The following CELF2 variants were observed in gnomAD, a reference collection of about 807,000 sequenced individuals.
CELF2 encodes the protein CUGBP Elav-like family member 2, also known as CUG triplet repeat RNA-binding protein 2.
Under a neutral mutation model 62.6 loss-of-function variants are expected in CELF2, and 8 were observed. The observed-to-expected ratio is 0.13, with a 90% CI of 0.07 to 0.23. CELF2 has a LOEUF of 0.23. CELF2 is among the 10% of genes least tolerant of loss of function. The pLI is 1.00. For missense variants in CELF2, 333 were observed against 671.0 expected (o/e 0.50, Z 5.56); for synonymous variants, 258 against 250.0 (o/e 1.03, Z -0.30).
chr10:10,784,220 C>T, the CELF2 span, among the ~76,000 whole-genome samples: 15 of 152,188 alleles, frequency 9.9e-5, no homozygotes, highest in Non-Finnish European at 2.1e-4. Flanking sequence ...CTGGGGAGCA[C>T]ACAGATGGGC....
At chr10:10,858,460 T>A (rs1404553824) in intron 1 of CELF2, among the ~76,000 whole-genome samples, 1 of 152,206 alleles carries the variant, frequency 6.6e-6, no homozygotes, top group Non-Finnish European at 1.5e-5. Flanking sequence ...ATAGAAAGAA[T>A]GTGTGGCCAT....
Position 10,950,660 on chromosome 10 carries a change from G to GA in CELF2, c.89+30661_89+30662insA, listed in dbSNP as rs564619863. Among the ~76,000 whole-genome samples the GA allele has an allele frequency of 3.0e-3, 462 of 152,234 alleles. 2 individuals carry two copies. The highest frequency in any genetic ancestry group is 0.011 in the African/African-American group (442 of 41,536). ...TTCCCCATTGCTGCTGCCCTCTTTT[G>GA]GAAATTAGATATCGTTTACTTATTT... is the stretch of plus-strand genomic sequence containing the variant. On this transcript the variant is annotated intron_variant, in intron 2 of 13. Transcript: ENST00000636488.
At chr10:11,272,359 T>A (rs1366381253) in intron 7 of CELF2, among the ~76,000 whole-genome samples, 1 of 152,266 alleles carries the variant, frequency 6.6e-6, no homozygotes, top group Non-Finnish European at 1.5e-5. Flanking sequence ...TGATTTGTTT[T>A]TCACAAATGT....
intron 1 of CELF2, among the ~76,000 whole-genome samples, chr10:11,060,430 G>A (rs2066448026): frequency 6.6e-6 from 1 of 152,144 alleles, no homozygotes; most frequent in African/African-American, 2.4e-5. Flanking sequence ...AGTGTAATTA[G>A]GGTATGTGAA....
chr10:10,481,683 G>A, the CELF2 span, among the ~76,000 whole-genome samples: 678 of 152,318 alleles, frequency 4.5e-3, 7 homozygotes, highest in African/African-American at 0.016. Context: ...CAAGTCTTGG[G>A]AAGAAGAGAA....
chr10:11,289,510 A>G (rs1048768733), intron 9 of CELF2, among the ~76,000 whole-genome samples: 6 of 152,234 alleles, frequency 3.9e-5, no homozygotes, highest in Non-Finnish European at 7.3e-5. Context: ...TCAAAAGAGC[A>G]GTTGCCCTTT....
Position 11,165,773 on chromosome 10 carries a change from G to A in CELF2, c.271+91G>A. On this transcript the variant is annotated intron_variant, in intron 2 of 12. Transcript: ENST00000633077. This position sits in a 1 kb window ranked among gnomAD's most constrained non-coding sequence, Gnocchi z 7.4. ...GAGCCCCCAGCCTGCAGGAGGAAGG[G>A]CGGGTAGGCAGGAGGGCTGGAAGCA... The A allele has an allele frequency of 2.4e-6, 3 of 1,268,956 alleles. No homozygotes were observed. The South Asian group carries it at 4.3e-5, about 18-fold the overall frequency. The allele number at this position is 1,268,956 out of a possible 1,614,324, so 78.6% of individuals were successfully genotyped here. A position where few individuals can be genotyped will look rare whatever the true frequency, so the allele number is the denominator to read the frequency against.
At position 10,838,711 on chromosome 10, in the gene CELF2, C is replaced by G. The variant is rs537258651; in HGVS notation, c.53+39894C>G. On this transcript the variant is annotated intron_variant, in intron 1 of 13. Coordinates refer to the CELF2 transcript ENST00000636488. ...CTCCTAATGTATATGTCCTTTGACA[C>G]ATTCTCATGTGGGTTTTGTTTTGTT... Among the ~76,000 whole-genome samples, 3 of 152,294 alleles carry G rather than the reference C, an allele frequency of 2.0e-5. No individual in the cohort carries two copies. In the East Asian group the frequency reaches 5.8e-4, roughly 29 times the overall value.
At chr10:10,767,461 A>G in the CELF2 span, among the ~76,000 whole-genome samples, 3 of 152,326 alleles carry the variant, frequency 2.0e-5, no homozygotes, top group African/African-American at 4.8e-5. Context: ...GGAGCCTGGA[A>G]CTTAAAAAAT....
chr10:10,770,395 GACC>G, the CELF2 span, among the ~76,000 whole-genome samples: 5 of 151,992 alleles, frequency 3.3e-5, no homozygotes, highest in Admixed American at 1.3e-4. Flanking sequence ...CTGCAGGACT[GACC>G]TAGGCTGAGG....
At chr10:11,138,184 CT>C (rs1323090441) in intron 1 of CELF2, among the ~76,000 whole-genome samples, 1 of 152,138 alleles carries the variant, frequency 6.6e-6, no homozygotes, top group Admixed American at 6.5e-5. Context: ...CCATAAGAGA[CT>C]TTGAAATACT....
the CELF2 span, among the ~76,000 whole-genome samples, chr10:10,691,004 T>C: frequency 7.2e-6 from 1 of 138,384 alleles, no homozygotes; most frequent in Non-Finnish European, 1.6e-5. Flanking sequence ...AGGATTATGG[T>C]GATTTTTTTT....
intron 1 of CELF2, among the ~76,000 whole-genome samples, chr10:10,806,203 C>T (rs370749322): frequency 2.1e-4 from 30 of 141,418 alleles, no homozygotes; most frequent in Middle Eastern, 3.7e-3. Flanking sequence ...TTCCAGTGTT[C>T]TTTTTTTTTT....
At chr10:11,130,055 A>C (rs997930935) in intron 1 of CELF2, among the ~76,000 whole-genome samples, 1 of 152,188 alleles carries the variant, frequency 6.6e-6, no homozygotes, top group Non-Finnish European at 1.5e-5. Context: ...TGTGTCCCAG[A>C]GATTCTGGTA....
At chr10:10,698,677 C>G in the CELF2 span, among the ~76,000 whole-genome samples, 1 of 152,194 alleles carries the variant, frequency 6.6e-6, no homozygotes, top group African/African-American at 2.4e-5. Context: ...TATCCTCTCT[C>G]ACTTTACAGA....
rs1240475450 is a variant in CELF2 at position 10,993,598 on chromosome 10, A to C, written c.89+73599A>C. 6.6e-6 allele frequency among the ~76,000 whole-genome samples: 1 copy of C among 152,200 alleles called. No homozygotes were observed. Among genetic ancestry groups the C allele is most frequent in the Non-Finnish European group, 1.5e-5 (1 of 68,028 alleles). ...TGGCAGCAAAAGAGAATGCCTGCCA[A>C]GGTTATGATGGGACAACTTGGAAAA... On this transcript the variant is annotated intron_variant, in intron 2 of 13. Transcript: ENST00000636488. This position sits in a 1 kb window ranked among gnomAD's most constrained non-coding sequence, Gnocchi z 5.3.
Position 11,099,878 on chromosome 10 carries a change from CAACAACA to C in CELF2, c.75-65605_75-65599del, listed in dbSNP as rs748206444. ...CCTTGTTTCTACATTAAAACAACAA[CAACAACA>C]AAAAAAAAAAAAAAAAACAGAAAAA... On this transcript the variant is annotated intron_variant, in intron 1 of 12. Coordinates refer to ENST00000633077, the MANE Select transcript of CELF2 (RefSeq NM_001326342.2). Among the ~76,000 whole-genome samples the C allele has an allele frequency of 7.5e-3, 773 of 102,900 alleles. 1 individual carries two copies. Among genetic ancestry groups the C allele is most frequent in the Middle Eastern group, 0.013 (3 of 224 alleles). The allele number at this position is 102,900 out of a possible 152,430, so 67.5% of individuals were successfully genotyped here. A position where few individuals can be genotyped will look rare whatever the true frequency, so the allele number is the denominator to read the frequency against.
the CELF2 span, among the ~76,000 whole-genome samples, chr10:10,687,415 C>G: frequency 6.6e-6 from 1 of 152,120 alleles, no homozygotes; most frequent in Non-Finnish European, 1.5e-5. Flanking sequence ...TACTATTGAA[C>G]GAACCTAATG....
chr10:10,783,810 C>G, the CELF2 span, among the ~76,000 whole-genome samples: 1 of 152,068 alleles, frequency 6.6e-6, no homozygotes, highest in African/African-American at 2.4e-5. Context: ...ATGGTGAAAC[C>G]TTGTCTCTAC....
Sources: allele counts gnomAD v4.1 joint callset (sites outside exome capture counted in the v4.1 genomes callset), GRCh38; gene constraint gnomAD v4.1.1; non-coding constraint Gnocchi (gnomAD v3.1); transcripts MANE v1.5; gene names NCBI Gene and HGNC (gene_info 2026-07-23, HGNC 2026-07-21).